KCNK6: variants seen among roughly 807,000 people sequenced by gnomAD.
KCNK6 encodes the protein potassium two pore domain channel subfamily K member 6, also known as potassium channel subfamily K member 6.
In KCNK6, 20 loss-of-function variants were observed where a neutral mutation model predicts 21.9. The observed-to-expected ratio is 0.91, with a 90% CI of 0.64 to 1.32. The LOEUF (loss-of-function observed/expected upper bound fraction) is 1.32, where lower values mean the gene tolerates loss of function less well. Among genes scored for constraint, KCNK6 ranks in the 40% most tolerant of loss-of-function variants. The pLI, the probability that KCNK6 is intolerant of heterozygous loss-of-function variation, is 0.00. For missense variants in KCNK6, 415 were observed against 433.1 expected, an observed-to-expected ratio of 0.96 and a Z score of 0.37; for synonymous variants, 210 against 218.0, an observed-to-expected ratio of 0.96 and a Z score of 0.32.
Position 38,331,637 on chromosome 19 carries a change from AAAAG to A in KCNK6, c.*4238_*4241del, listed in dbSNP as rs1164441769. 1.5e-4 allele frequency: 23 copies of A among 152,250 alleles called. No individual in the cohort carries two copies. 9.4% of individuals were successfully genotyped at this position (152,250 alleles called of 1,614,324 possible). On this transcript the variant is annotated 3_prime_UTR_variant, in exon 3 of 3. Coordinates refer to ENST00000263372, the MANE Select transcript of KCNK6 (RefSeq NM_004823.3). ...GAGACTCCGTCTCAGAAAAAAAAAA[AAAAG>A]AAAAAAGTGTGTGCTAAAAAATTCA...
Position 38,320,268 on chromosome 19 carries a change from C to T in KCNK6, c.318C>T (p.Thr106=). The T allele has an allele frequency of 6.2e-7, 1 of 1,605,742 alleles. No individual in the cohort carries two copies. The highest frequency in any genetic ancestry group is 1.3e-5 in the African/African-American group (1 of 74,744). The part of the protein sequence containing the change: ...ALFFASTLIT[T]VGYGYTTPLT... ...TCTTCGCCAGCACGCTGATCACCACCGTGGGTACGTAAGCGCCTCACCGCA... is the reference window on the plus strand; with the variant it reads ...TCTTCGCCAGCACGCTGATCACCACTGTGGGTACGTAAGCGCCTCACCGCA... The change falls in exon 1 of 3, where the codon ACC becomes ACT. Residue 106 remains threonine, a synonymous_variant. Coordinates refer to ENST00000263372, the MANE Select transcript of KCNK6 (RefSeq NM_004823.3).
rs1261682056 is a variant in KCNK6, at chr19:38,329,161, G to A, written c.*1758G>A. On this transcript the variant is annotated 3_prime_UTR_variant, in exon 3 of 3. Coordinates refer to ENST00000263372, the MANE Select transcript of KCNK6 (RefSeq NM_004823.3). ...AGGAGAATGGCGTGAACCCCGGTGG[G>A]GGCGGAGCCTGCAATGAGCCGAGAT... is the stretch of plus-strand genomic sequence containing the variant. The A allele has an allele frequency of 6.6e-6, 1 of 151,714 alleles. No individual in the cohort carries two copies. Among genetic ancestry groups the A allele is most frequent in the African/African-American group, 2.4e-5 (1 of 41,296 alleles). 9.4% of individuals were successfully genotyped at this position (151,714 alleles called of 1,614,324 possible). A position where few individuals can be genotyped will look rare whatever the true frequency, so the allele number is the denominator to read the frequency against.
At chr19:38,322,768 T>A (rs977390239) in intron 1 of KCNK6, among the ~76,000 whole-genome samples, 2 of 150,746 alleles carry the variant, frequency 1.3e-5, no homozygotes, top group Admixed American at 1.3e-4. Context: ...TAAGCTGAGA[T>A]TGTGCCACTG....
rs1418771553 is a variant in KCNK6, at chr19:38,328,317, G to C, written c.*914G>C. Reference sequence around the variant, plus strand: ...CTCTTCCTCAGCAGCCTGGCAGGCAGGAAACAGACATAGGACCCCAGCCCA... The same window carrying C: ...CTCTTCCTCAGCAGCCTGGCAGGCACGAAACAGACATAGGACCCCAGCCCA... On this transcript the variant is annotated 3_prime_UTR_variant, in exon 3 of 3. Transcript: ENST00000263372. 1 of 152,438 alleles carries C rather than the reference G, an allele frequency of 6.6e-6. No individual in the cohort carries two copies. Among genetic ancestry groups the C allele is most frequent in the Non-Finnish European group, 1.5e-5 (1 of 68,234 alleles). The allele number at this position is 152,438 out of a possible 1,614,324, so 9.4% of individuals were successfully genotyped here.
At chr19:38,322,073 G>A (rs1406161419) in intron 1 of KCNK6, among the ~76,000 whole-genome samples, 2 of 152,204 alleles carry the variant, frequency 1.3e-5, no homozygotes, top group African/African-American at 2.4e-5. Context: ...AGCCTTGTGA[G>A]GCAGGCGCCT....
chr19:38,327,676 A>T lies in KCNK6; in HGVS notation c.*273A>T. On this transcript the variant is annotated 3_prime_UTR_variant, in exon 3 of 3. Coordinates refer to ENST00000263372, the MANE Select transcript of KCNK6 (RefSeq NM_004823.3). ...CACTGTGTCTCTCTGGCTCTCTGGCATTCTCGCTGCCTCTGTCTTTCCCTC... is the reference window on the plus strand; with the variant it reads ...CACTGTGTCTCTCTGGCTCTCTGGCTTTCTCGCTGCCTCTGTCTTTCCCTC... 2.0e-6 allele frequency: 1 copy of T among 496,890 alleles called. No homozygotes were observed. The allele number at this position is 496,890 out of a possible 1,614,324, so 30.8% of individuals were successfully genotyped here. A position where few individuals can be genotyped will look rare whatever the true frequency, so the allele number is the denominator to read the frequency against.
At position 38,327,394 on chromosome 19, in the gene KCNK6, C is replaced by G; in HGVS notation, c.933C>G (p.Ile311Met). 5 of 1,607,930 alleles carry G rather than the reference C, an allele frequency of 3.1e-6. No individual in the cohort carries two copies. Among genetic ancestry groups the G allele is most frequent in the Non-Finnish European group, 4.2e-6 (5 of 1,179,854 alleles). ...SASSHTDYAS[I>M]PR ...GCTCCCACACCGACTACGCTTCCATCCCCAGGTAGCTGGGGCAGCCTCTGC... is the reference window on the plus strand; with the variant it reads ...GCTCCCACACCGACTACGCTTCCATGCCCAGGTAGCTGGGGCAGCCTCTGC... The change falls in exon 3 of 3, where the codon ATC becomes ATG. Residue 311 changes from isoleucine to methionine, a missense_variant. Physicochemically the swap from Ile to Met is conservative, Grantham distance 10. Transcript: ENST00000263372.
In KCNK6 at chr19:38,327,534, C is replaced by T. The variant is rs1969726532; in HGVS notation, c.*131C>T. On this transcript the variant is annotated 3_prime_UTR_variant, in exon 3 of 3. Transcript: ENST00000263372. ...TGAGGCCTTGCCGTCCACCGTCTCT[C>T]CTTTGTTTCCCAGCATCTGGCTGGG... 4 of 805,518 alleles carry T rather than the reference C, an allele frequency of 5.0e-6. No individual in the cohort carries two copies. The highest frequency in any genetic ancestry group is 2.7e-5 in the East Asian group (1 of 37,268). The allele number at this position is 805,518 out of a possible 1,614,324, so 49.9% of individuals were successfully genotyped here.
chr19:38,323,302 C>T (rs1969673003), intron 1 of KCNK6, among the ~76,000 whole-genome samples: 1 of 152,204 alleles, frequency 6.6e-6, no homozygotes, highest in South Asian at 2.1e-4. Context: ...TTAATGTTGA[C>T]TGTTTTCATA....
intron 1 of KCNK6, among the ~76,000 whole-genome samples, chr19:38,323,121 CAA>C (rs1969670329): frequency 6.6e-6 from 1 of 151,986 alleles, no homozygotes. Flanking sequence ...TCAAAACAAA[CAA>C]ACAAAAAAGA....
intron 1 of KCNK6, among the ~76,000 whole-genome samples, chr19:38,323,496 C>T (rs1055158461): frequency 1.3e-5 from 2 of 152,214 alleles, no homozygotes; most frequent in Non-Finnish European, 2.9e-5. Flanking sequence ...AACTGGGAAT[C>T]GGAGAGAGGA....
At chr19:38,325,347 C>T in intron 1 of KCNK6, 1 of 941,568 alleles carries the variant, frequency 1.1e-6, no homozygotes, top group Non-Finnish European at 1.3e-6. Flanking sequence ...GAACTCCTGA[C>T]CTCATAATCT....
intron 1 of KCNK6, among the ~76,000 whole-genome samples, chr19:38,320,483 A>G (rs1271496264): frequency 6.6e-6 from 1 of 151,784 alleles, no homozygotes; most frequent in African/African-American, 2.4e-5. Context: ...CCTCCTAAGT[A>G]GGAAACACCC....
chr19:38,327,493 G>A lies in KCNK6; in HGVS notation c.*90G>A. ...GCTGGCTGTACAGGAATGTCCACGA[G>A]CACAGCAGGTGATCTTGAGGCCTTG... On this transcript the variant is annotated 3_prime_UTR_variant, in exon 3 of 3. Coordinates refer to ENST00000263372, the MANE Select transcript of KCNK6 (RefSeq NM_004823.3). 8.3e-7 allele frequency: 1 copy of A among 1,200,166 alleles called. No individual in the cohort carries two copies. The highest frequency in any genetic ancestry group is 1.2e-6 in the Non-Finnish European group (1 of 852,476). 74.3% of individuals were successfully genotyped at this position (1,200,166 alleles called of 1,614,324 possible). A position where few individuals can be genotyped will look rare whatever the true frequency, so the allele number is the denominator to read the frequency against.
At position 38,326,634 on chromosome 19, in the gene KCNK6, T is replaced by G. The variant is rs752247310; in HGVS notation, c.364T>G (p.Phe122Val). 1 of 1,611,276 alleles carries G rather than the reference T, an allele frequency of 6.2e-7. No homozygotes were observed. Among genetic ancestry groups the G allele is most frequent in the Non-Finnish European group, 8.5e-7 (1 of 1,179,900 alleles). Residue 122 changes from phenylalanine to valine, a missense_variant, in exon 2 of 3, where the codon TTC becomes GTC. By Grantham distance (50) the Phe-to-Val change is conservative. Coordinates refer to ENST00000263372, the MANE Select transcript of KCNK6 (RefSeq NM_004823.3). Reference protein sequence around the residue: ...TTPLTDAGKAFSIAFALLGVP... With the variant: ...TTPLTDAGKAVSIAFALLGVP... ...GCCACTGACTGATGCGGGCAAGGCC[T>G]TCTCCATCGCCTTTGCGCTCCTGGG...
rs377712573 is a variant in KCNK6, at chr19:38,323,661, C to T, written c.323-2932C>T. Among the ~76,000 whole-genome samples, 131 of 152,298 alleles carry T rather than the reference C, an allele frequency of 8.6e-4. 2 individuals carry two copies. The highest frequency in any genetic ancestry group is 4.8e-3 in the Admixed American group (73 of 15,294). ...TGTCACCCAGGCTAGAGTGCAGTGGCGCAGCCTTGACCTCCTGGGCTTAAG... is the reference window on the plus strand; with the variant it reads ...TGTCACCCAGGCTAGAGTGCAGTGGTGCAGCCTTGACCTCCTGGGCTTAAG... On this transcript the variant is annotated intron_variant, in intron 1 of 2. Transcript: ENST00000263372.
In KCNK6 at chr19:38,320,085, G is replaced by A; in HGVS notation, c.135G>A (p.Ala45=). ...GAGCCGAGCTGGAGACGCTGCGGGC[G>A]CAGCTGCTTCAGCGCAGCCCGTGTG... ...RLRAELETLR[A]QLLQRSPCVA... The change falls in exon 1 of 3, where the codon GCG becomes GCA. Residue 45 remains alanine (A), a synonymous_variant. Transcript: ENST00000263372. 1.3e-6 allele frequency: 2 copies of A among 1,537,364 alleles called. No individual in the cohort carries two copies. The highest frequency in any genetic ancestry group is 1.7e-6 in the Non-Finnish European group (2 of 1,149,454).
Position 38,319,898 on chromosome 19 carries a change from CG to C in KCNK6, c.-48del. 1 of 1,358,870 alleles carries C rather than the reference CG, an allele frequency of 7.4e-7. No individual in the cohort carries two copies. Among genetic ancestry groups the C allele is most frequent in the Non-Finnish European group, 9.4e-7 (1 of 1,062,074 alleles). 84.2% of individuals were successfully genotyped at this position (1,358,870 alleles called of 1,614,324 possible). On this transcript the variant is annotated 5_prime_UTR_variant, in exon 1 of 3. Transcript: ENST00000263372. ...AACTAGGTGCCAGACGGTCCGGAGGCGGGGGCCACGTCAGCGGGGCCACCCA... is the reference window on the plus strand; with the variant it reads ...AACTAGGTGCCAGACGGTCCGGAGGCGGGGCCACGTCAGCGGGGCCACCCA...
At chr19:38,321,686 A>T (rs763839017) in intron 1 of KCNK6, among the ~76,000 whole-genome samples, 1 of 152,236 alleles carries the variant, frequency 6.6e-6, no homozygotes, top group Non-Finnish European at 1.5e-5. Flanking sequence ...CCGGCCAACA[A>T]TAGGGGGCAG....
Sources: gnomAD v4.1 joint callset for allele counts (sites outside exome capture counted in the v4.1 genomes callset) on GRCh38, gnomAD v4.1.1 for gene constraint, MANE v1.5 for transcripts, NCBI Gene and HGNC (gene_info 2026-07-23, HGNC 2026-07-21) for gene names.